The following ALDH16A1 variants were observed in gnomAD, a reference collection of about 807,000 sequenced individuals.
ALDH16A1 encodes aldehyde dehydrogenase 16 family member A1.
In ALDH16A1, 88 loss-of-function variants were observed where a neutral mutation model predicts 96.1. That is an observed-to-expected ratio of 0.92 (90% CI 0.77 to 1.09). The LOEUF (loss-of-function observed/expected upper bound fraction) is 1.09. Ranked by LOEUF, ALDH16A1 falls within the 50% of genes least tolerant of loss-of-function variation. The probability of loss-of-function intolerance (pLI) is 0.00; values close to 1 mark genes in which losing one functional copy is unlikely to be tolerated. For synonymous variants in ALDH16A1, 522 were observed against 496.4 expected (o/e 1.05, Z -0.69); for missense variants, 1,250 against 1,112.6 (o/e 1.12, Z -1.76).
intron 14 of ALDH16A1, among the ~76,000 whole-genome samples, chr19:49,466,688 G>A (rs1175348484): frequency 6.6e-6 from 1 of 151,866 alleles, no homozygotes; most frequent in African/African-American, 2.4e-5. Flanking sequence ...GTGAAACCTG[G>A]TCTCTACTAA....
chr19:49,464,366 G>A (rs748605370), intron 10 of ALDH16A1, 51 bp from the exon 11 acceptor site: 40 of 1,563,130 alleles, frequency 2.6e-5, no homozygotes, highest in Middle Eastern at 1.7e-4. Context: ...CCCCTCTCCC[G>A]GCCTGCCACC....
chr19:49,464,594 G>C (rs201777977), intron 11 of ALDH16A1, 38 bp from the exon 12 acceptor site: 2 of 1,613,488 alleles, frequency 1.2e-6, no homozygotes, highest in Non-Finnish European at 1.7e-6. Context: ...CCGGCCTCGC[G>C]TGCCCCTTGC....
Position 49,470,424 on chromosome 19 carries a change from G to A in ALDH16A1, c.2366G>A (p.Arg789Gln), listed in dbSNP as rs142350570. Reference protein sequence around the residue: ...AEGAGPELGLRVARTKALWLP... With the variant: ...AEGAGPELGLQVARTKALWLP... ...GGGGCAGGCCCAGAGCTGGGGCTGC[G>A]AGTGGCGCGGACCAAGGCCCTGTGG... The change falls in exon 17 of 17, where the codon CGA (arginine) becomes CAA (glutamine). Residue 789 changes from arginine (R) to glutamine (Q), a missense_variant. Arg to Gln is a conservative substitution (Grantham distance 43). Coordinates refer to ENST00000293350, the MANE Select transcript of ALDH16A1 (RefSeq NM_153329.4). 3.6e-5 allele frequency: 58 copies of A among 1,606,788 alleles called. No homozygotes were observed. The Middle Eastern group carries it at 5.0e-4, about 14-fold the overall frequency.
At chr19:49,469,217 G>A in intron 16 of ALDH16A1, 3 of 481,044 alleles carry the variant, frequency 6.2e-6, no homozygotes, top group Non-Finnish European at 1.1e-5. Flanking sequence ...TCAGGGGACA[G>A]CCCGTTGCTA....
In ALDH16A1 at chr19:49,468,228, C is replaced by A. The variant is rs1231852423; in HGVS notation, c.1939-153C>A. 3 of 699,462 alleles carry A rather than the reference C, an allele frequency of 4.3e-6. No individual in the cohort carries two copies. Among genetic ancestry groups the A allele is most frequent in the Non-Finnish European group, 7.0e-6 (3 of 430,302 alleles). 43.3% of individuals were successfully genotyped at this position (699,462 alleles called of 1,614,324 possible). On this transcript the variant is annotated intron_variant, in intron 14 of 16. Transcript: ENST00000293350. This position sits in a 1 kb window ranked among gnomAD's most constrained non-coding sequence, Gnocchi z 4.4. The stretch of plus-strand genomic sequence containing the variant: ...CCGCCCGAACCCCCGTGGAATGATT[C>A]ACTTTGACCAGCGTCTGCGAAATGG...
Position 49,468,576 on chromosome 19 carries a change from C to T in ALDH16A1, c.2124+10C>T, listed in dbSNP as rs1407584028. On this transcript the variant is annotated intron_variant, in intron 15 of 16. Transcript: ENST00000293350. The surrounding 1 kb of genome is among the most constrained non-coding windows in gnomAD (Gnocchi z 4.4). Reference sequence around the variant, plus strand: ...CCTGGAGGTCTGCCAGGTATAGCCCCCTGCCTTCCTGCCTCTCCTCCCCGT... The same window carrying T: ...CCTGGAGGTCTGCCAGGTATAGCCCTCTGCCTTCCTGCCTCTCCTCCCCGT... 6.2e-7 allele frequency: 1 copy of T among 1,600,744 alleles called. No homozygotes were observed. Among genetic ancestry groups the T allele is most frequent in the Non-Finnish European group, 8.5e-7 (1 of 1,178,492 alleles).
At chr19:49,458,120 G>A (rs1336421309) in intron 1 of ALDH16A1, among the ~76,000 whole-genome samples, 1 of 152,054 alleles carries the variant, frequency 6.6e-6, no homozygotes, top group African/African-American at 2.4e-5. Flanking sequence ...TCAGGAGATT[G>A]AGGCGGGAGA....
intron 1 of ALDH16A1, among the ~76,000 whole-genome samples, chr19:49,457,222 T>G (rs12974414): frequency 0.7 from 106,073 of 151,722 alleles, 37,763 homozygotes; most frequent in Middle Eastern, 0.83. Flanking sequence ...GGATTTAGCA[T>G]CAGGGAAGAC....
At position 49,470,663 on chromosome 19, in the gene ALDH16A1, T is replaced by TTTC; in HGVS notation, c.*198_*199insCTT. 6 of 557,416 alleles carry TTTC rather than the reference T, an allele frequency of 1.1e-5. No homozygotes were observed. Among genetic ancestry groups the TTTC allele is most frequent in the Non-Finnish European group, 1.7e-5 (6 of 356,966 alleles). The allele number at this position is 557,416 out of a possible 1,614,324, so 34.5% of individuals were successfully genotyped here. Reference sequence around the variant, plus strand: ...AGGCTTTTTTCTTTTTTTTTTTTTTTTTTGAGACAACGTCTGGCTCTGTCA... The same window carrying TTTC: ...AGGCTTTTTTCTTTTTTTTTTTTTTTTTCTTTGAGACAACGTCTGGCTCTGTCA... On this transcript the variant is annotated 3_prime_UTR_variant, in exon 17 of 17. Coordinates refer to ENST00000293350, the MANE Select transcript of ALDH16A1 (RefSeq NM_153329.4).
At chr19:49,464,807 G>A in intron 12 of ALDH16A1, 45 bp downstream of exon 12, 1 of 1,610,312 alleles carries the variant, frequency 6.2e-7, no homozygotes. Flanking sequence ...AACGGGGAGA[G>A]GGGAATTGAT....
intron 8 of ALDH16A1, among the ~76,000 whole-genome samples, chr19:49,462,971 G>A (rs1425074462): frequency 8.4e-6 from 1 of 119,496 alleles, no homozygotes; most frequent in Non-Finnish European, 1.7e-5. Context: ...TGGGTCTGAG[G>A]GAGGAGGGGC....
chr19:49,454,031 G>GTTTTTTTTTTTTTT (rs3033555), intron 1 of ALDH16A1, among the ~76,000 whole-genome samples: 1 of 135,184 alleles, frequency 7.4e-6, no homozygotes. Flanking sequence ...TTTTTTTTTT[G>GTTTTTTTTTTTTTT]TTTTTTTTTT....
intron 5 of ALDH16A1, among the ~76,000 whole-genome samples, 191 bp from the exon 6 acceptor site, chr19:49,461,428 G>T (rs1446587281): frequency 4.2e-5 from 5 of 119,896 alleles, no homozygotes; most frequent in Non-Finnish European, 6.7e-5. Context: ...AGGGAGGAGG[G>T]GCTGGGCCTG....
In ALDH16A1 at chr19:49,468,828, C is replaced by T. The variant is rs1363512888; in HGVS notation, c.2125-36C>T. ...ATGCCCACTCCTTGCCCTGCCCCCA[C>T]GGCCTCCCCAACCTTTCACTCTCTC... On this transcript the variant is annotated intron_variant, in intron 15 of 16. Coordinates refer to ENST00000293350, the MANE Select transcript of ALDH16A1 (RefSeq NM_153329.4). This position sits in a 1 kb window ranked among gnomAD's most constrained non-coding sequence, Gnocchi z 4.4. 1.5e-5 allele frequency: 24 copies of T among 1,599,898 alleles called. 1 individual carries two copies. The highest frequency in any genetic ancestry group is 4.2e-4 in the Middle Eastern group (2 of 4,754).
At chr19:49,458,880 C>T in intron 2 of ALDH16A1, 80 bp from the exon 3 acceptor site, 1 of 1,543,582 alleles carries the variant, frequency 6.5e-7, no homozygotes, top group Admixed American at 1.8e-5. Flanking sequence ...TGGGCTGATC[C>T]AGGCTCCGAA....
chr19:49,468,448 C>T lies in ALDH16A1; in HGVS notation c.2006C>T (p.Pro669Leu), dbSNP rs768676845. 2.1e-5 allele frequency: 33 copies of T among 1,601,574 alleles called. No individual in the cohort carries two copies. Among genetic ancestry groups the T allele is most frequent in the Non-Finnish European group, 2.5e-5 (30 of 1,179,864 alleles). ...CTGGGTGTGCTGGCTGTGGTGTGTCCGGACGAGTGGCCCCTGCTTGCCTTC... is the reference window on the plus strand; with the variant it reads ...CTGGGTGTGCTGGCTGTGGTGTGTCTGGACGAGTGGCCCCTGCTTGCCTTC... ...EPLGVLAVVC[P>L]DEWPLLAFVS... is the part of the protein sequence containing the mutation. Residue 669 changes from proline to leucine, a missense_variant, in exon 15 of 17, where the codon CCG becomes CTG. Coordinates refer to ENST00000293350, the MANE Select transcript of ALDH16A1 (RefSeq NM_153329.4). This position sits in a 1 kb window ranked among gnomAD's most constrained non-coding sequence, Gnocchi z 4.4.
intron 5 of ALDH16A1, among the ~76,000 whole-genome samples, chr19:49,461,146 A>ACTCCTGGGTCTGAGGGAGGAGGGGCTGGG (rs2079139148): frequency 2.2e-5 from 2 of 90,738 alleles, no homozygotes; most frequent in African/African-American, 1.1e-4. Context: ...GAGGGGCTGG[A>ACTCCTGGGTCTGAGGGAGGAGGGGCTGGG]GTCTGGACTC....
rs370344103 is a variant in ALDH16A1 at position 49,461,733 on chromosome 19, C to G, written c.692C>G (p.Ala231Gly). Residue 231 changes from alanine to glycine, a missense_variant, in exon 6 of 17, where the codon GCG becomes GGG. By Grantham distance (60) the Ala-to-Gly change is moderately conservative. Transcript: ENST00000293350. ...PGILNVLSGP[A>G]SLVPILASQP... ...ATCCTGAATGTCCTCAGTGGCCCTG[C>G]GTCCCTGGTGCCCATCCTGGCCTCC... 5.6e-6 allele frequency: 9 copies of G among 1,609,944 alleles called. No individual in the cohort carries two copies. Among genetic ancestry groups the G allele is most frequent in the Non-Finnish European group, 6.8e-6 (8 of 1,178,220 alleles).
rs1192073266 is a variant in ALDH16A1, at chr19:49,463,938, G to A, written c.1183G>A (p.Ala395Thr). 1.2e-6 allele frequency: 2 copies of A among 1,609,816 alleles called. No homozygotes were observed. Among genetic ancestry groups the A allele is most frequent in the East Asian group, 2.2e-5 (1 of 44,872 alleles). Residue 395 changes from alanine (A) to threonine (T), a missense_variant, in exon 9 of 17, where the codon GCC becomes ACC. Coordinates refer to ENST00000293350, the MANE Select transcript of ALDH16A1 (RefSeq NM_153329.4). ...VSNLPPASPC[A>T]QVEVPWPVVV... The stretch of plus-strand genomic sequence containing the variant: ...CAACCTGCCCCCAGCCTCCCCATGT[G>A]CCCAGGTGGAGGTGAGACCCTTAAG...
Sources: gnomAD v4.1 joint callset for allele counts (sites outside exome capture counted in the v4.1 genomes callset) on GRCh38, gnomAD v4.1.1 for gene constraint, Gnocchi (gnomAD v3.1) non-coding constraint, MANE v1.5 for transcripts, NCBI Gene and HGNC (gene_info 2026-07-23, HGNC 2026-07-21) for gene names.